The following CIB1 variants were observed in gnomAD, a reference collection of about 807,000 sequenced individuals.
CIB1 encodes the protein calcium and integrin-binding protein 1.
In CIB1, 19 loss-of-function variants were observed where a neutral mutation model predicts 25.0. The ratio of observed to expected loss-of-function variants is 0.76; its 90% confidence interval spans 0.53 to 1.12. The LOEUF is 1.12. Among genes scored for constraint, CIB1 ranks in the 50% most tolerant of loss-of-function variants. CIB1 has a pLI of 0.00. For synonymous variants in CIB1, 104 were observed against 98.5 expected (o/e 1.06, Z -0.33); for missense variants, 236 against 242.6 (o/e 0.97, Z 0.18).
At chr15:90,246,913 C>CAATGAGTG in the CIB1 span, among the ~76,000 whole-genome samples, 1 of 147,814 alleles carries the variant, frequency 6.8e-6, no homozygotes, top group Non-Finnish European at 1.5e-5. Context: ...TTTGTTGATG[C>CAATGAGTG]AATGAGTGTC....
the CIB1 span, chr15:90,259,037 T>A: frequency 6.4e-7 from 1 of 1,573,688 alleles, no homozygotes; most frequent in Admixed American, 1.8e-5. Flanking sequence ...AAAACAACTT[T>A]TTGCATAGAT....
chr15:90,263,827 G>A, the CIB1 span: 2 of 736,730 alleles, frequency 2.7e-6, no homozygotes, highest in African/African-American at 3.5e-5. Context: ...GGCTGCCACA[G>A]AGCAGGGCGC....
chr15:90,246,787 C>CAAAAAAA, the CIB1 span, among the ~76,000 whole-genome samples: 95 of 45,248 alleles, frequency 2.1e-3, 10 homozygotes, highest in Non-Finnish European at 2.7e-3. Flanking sequence ...GACTCTGTCT[C>CAAAAAAA]AAAAAAAAAA....
the CIB1 span, chr15:90,262,520 C>T: frequency 7.9e-6 from 12 of 1,517,632 alleles, no homozygotes; most frequent in Non-Finnish European, 1.1e-5. Flanking sequence ...CCGCCTTAAG[C>T]AGGAACAGCA....
chr15:90,234,960 G>T (rs1359863547), upstream of CIB1, among the ~76,000 whole-genome samples: 1 of 152,204 alleles, frequency 6.6e-6, no homozygotes, highest in African/African-American at 2.4e-5. Context: ...ATTAATTCTT[G>T]ATCCTTCCAA....
the CIB1 span, chr15:90,265,724 C>T: frequency 1.2e-6 from 2 of 1,613,226 alleles, no homozygotes; most frequent in Non-Finnish European, 1.7e-6. Flanking sequence ...TGGCGGTTAC[C>T]CTGAGTCTCT....
chr15:90,262,113 A>G, the CIB1 span: 1 of 1,536,028 alleles, frequency 6.5e-7, no homozygotes, highest in East Asian at 2.4e-5. Flanking sequence ...GACACAGAGA[A>G]GTATGCCCGC....
chr15:90,259,853 G>A, the CIB1 span, among the ~76,000 whole-genome samples: 1 of 152,176 alleles, frequency 6.6e-6, no homozygotes, highest in Non-Finnish European at 1.5e-5. Context: ...ATGGTAACTG[G>A]TCACCGATAC....
At chr15:90,240,761 C>G in the CIB1 span, 1 of 613,652 alleles carries the variant, frequency 1.6e-6, no homozygotes, top group Non-Finnish European at 2.8e-6. Flanking sequence ...TACAGTGAAC[C>G]AAGATCACTG....
the CIB1 span, among the ~76,000 whole-genome samples, chr15:90,251,280 A>ATT: frequency 0.015 from 1,681 of 109,504 alleles, 62 homozygotes; most frequent in African/African-American, 0.034. Context: ...CGCATGGCAA[A>ATT]TTTTTTTTTT....
chr15:90,237,217 C>G (rs922537835), upstream of CIB1, among the ~76,000 whole-genome samples: 1 of 151,992 alleles, frequency 6.6e-6, no homozygotes, highest in African/African-American at 2.4e-5. Flanking sequence ...CCTTGGCCCC[C>G]CAGAGTGCTG....
chr15:90,253,210 G>C, the CIB1 span: 1 of 1,551,420 alleles, frequency 6.4e-7, no homozygotes, highest in Non-Finnish European at 8.9e-7. Flanking sequence ...CTTGTTGCTG[G>C]TGTCCATGCT....
chr15:90,253,204 T>C, the CIB1 span: 3 of 1,529,654 alleles, frequency 2.0e-6, no homozygotes, highest in Non-Finnish European at 2.7e-6. Flanking sequence ...CCAGGGCTTG[T>C]TGCTGGTGTC....
chr15:90,262,720 CA>C, the CIB1 span: 1 of 1,422,556 alleles, frequency 7.0e-7, no homozygotes, highest in Non-Finnish European at 9.2e-7. Flanking sequence ...TGGGTTGGGA[CA>C]ACTAGATAGG....
At chr15:90,262,073 G>C in the CIB1 span, 7 of 1,536,024 alleles carry the variant, frequency 4.6e-6, no homozygotes, top group Non-Finnish European at 6.1e-6. Context: ...TTCTCACCTG[G>C]GAAAATACCG....
the CIB1 span, among the ~76,000 whole-genome samples, chr15:90,253,606 T>C: frequency 6.6e-6 from 1 of 152,164 alleles, no homozygotes; most frequent in East Asian, 1.9e-4. Context: ...ATTTGCACTT[T>C]GCTTGGTGGC....
At chr15:90,251,824 GAA>G in the CIB1 span, among the ~76,000 whole-genome samples, 8 of 130,618 alleles carry the variant, frequency 6.1e-5, no homozygotes, top group East Asian at 2.2e-4. Flanking sequence ...CAGTAAACAA[GAA>G]AAAAAAAAAA....
chr15:90,234,709 C>G (rs143356715), upstream of CIB1: 6 of 152,308 alleles, frequency 3.9e-5, no homozygotes, highest in South Asian at 6.2e-4. Context: ...CTTTTAAAGG[C>G]TCTCCACTGC....
the CIB1 span, among the ~76,000 whole-genome samples, chr15:90,252,043 C>CTTTTTTTTTTTTTTTTTTT: frequency 1.5e-5 from 2 of 133,474 alleles, no homozygotes; most frequent in African/African-American, 2.7e-5. Flanking sequence ...TCACCTAATT[C>CTTTTTTTTTTTTTTTTTTT]TTTTTTTTTT....
Sources: allele counts gnomAD v4.1 joint callset (sites outside exome capture counted in the v4.1 genomes callset), GRCh38; gene constraint gnomAD v4.1.1; transcripts MANE v1.5; gene names NCBI Gene and HGNC (gene_info 2026-07-23, HGNC 2026-07-21).